The following SLC35E1 variants were observed in gnomAD, a reference collection of about 807,000 sequenced individuals.
SLC35E1 encodes the protein solute carrier family 35 member E1, also known as solute carrier family 35, member E1.
A neutral mutation model predicts 31.0 loss-of-function variants in SLC35E1; 12 were observed. That is an observed-to-expected ratio of 0.39 (90% CI 0.25 to 0.63). SLC35E1 has a LOEUF of 0.63. Among genes scored for constraint, SLC35E1 ranks in the 20% least tolerant of loss-of-function variants. The pLI is 0.52. For synonymous variants in SLC35E1, 257 were observed against 264.1 expected, an observed-to-expected ratio of 0.97 and a Z score of 0.26; for missense variants, 429 against 572.2, an observed-to-expected ratio of 0.75 and a Z score of 2.55.
In SLC35E1 at chr19:16,549,944, A is replaced by G. The variant is rs2085836715; in HGVS notation, c.*3735T>C. 1 of 152,226 alleles carries G rather than the reference A, an allele frequency of 6.6e-6. No homozygotes were observed. The highest frequency in any genetic ancestry group is 6.5e-5 in the Admixed American group (1 of 15,276). 9.4% of individuals were successfully genotyped at this position (152,226 alleles called of 1,614,324 possible). A position where few individuals can be genotyped will look rare whatever the true frequency, so the allele number is the denominator to read the frequency against. ...AAGTCTTGAAAACAGGTGACAATTG[A>G]AAAACATTATAATATTTTCAGGTCT... On this transcript the variant is annotated 3_prime_UTR_variant, in exon 6 of 6. Transcript: ENST00000595753.
chr19:16,557,019 A>G lies in SLC35E1; in HGVS notation c.757-1622T>C. ...CACCAGGATGCCTTCATGTTGGGCC[A>G]GCCTGTTCTCCCAGGGGTCGCTCCC... is the stretch of plus-strand genomic sequence containing the variant. On this transcript the variant is annotated intron_variant, in intron 4 of 5. Transcript: ENST00000595753. The G allele has an allele frequency of 1.3e-5, 6 of 470,818 alleles. 1 individual carries two copies. Among genetic ancestry groups the G allele is most frequent in the South Asian group, 9.3e-5 (6 of 64,566 alleles). 29.2% of individuals were successfully genotyped at this position (470,818 alleles called of 1,614,324 possible).
intron 5 of SLC35E1, 125 bp from the exon 6 acceptor site, chr19:16,554,034 G>A (rs2085860393): frequency 4.0e-6 from 3 of 752,036 alleles, no homozygotes; most frequent in Non-Finnish European, 6.0e-6. Context: ...GGAGGTCGAG[G>A]CGGGAGGATC....
chr19:16,556,072 G>GGGTGT (rs1006005863), intron 4 of SLC35E1, among the ~76,000 whole-genome samples: 2 of 152,056 alleles, frequency 1.3e-5, no homozygotes, highest in African/African-American at 2.4e-5. Context: ...AAAATTGGTC[G>GGGTGT]GGTGTGGTGT....
Position 16,555,109 on chromosome 19 carries a change from G to A in SLC35E1, c.1002+43C>T. ...TTCCTTTTCTGACTTCCTGGGTGTT[G>A]GGGGGCCGGCTTCCTTCCCTGCCCA... On this transcript the variant is annotated intron_variant, in intron 5 of 5. Coordinates refer to ENST00000595753, the MANE Select transcript of SLC35E1 (RefSeq NM_024881.5). This position sits in a 1 kb window ranked among gnomAD's most constrained non-coding sequence, Gnocchi z 4.1. The A allele has an allele frequency of 6.2e-7, 1 of 1,610,368 alleles. No individual in the cohort carries two copies. The highest frequency in any genetic ancestry group is 2.2e-5 in the East Asian group (1 of 44,814).
At chr19:16,569,323 T>C (rs1383243974) in intron 2 of SLC35E1, among the ~76,000 whole-genome samples, 2 of 152,148 alleles carry the variant, frequency 1.3e-5, no homozygotes, top group African/African-American at 4.8e-5. Context: ...GTGCCCAGCC[T>C]CTCCACCCAC....
intron 3 of SLC35E1, 116 bp downstream of exon 3, chr19:16,567,916 A>AT: frequency 7.3e-7 from 1 of 1,374,808 alleles, no homozygotes; most frequent in South Asian, 1.5e-5. Flanking sequence ...GGCAATCAAG[A>AT]TTTTTCTGCT....
At chr19:16,571,364 A>G (rs1018977640) in intron 2 of SLC35E1, 148 bp downstream of exon 2, 32 of 745,198 alleles carry the variant, frequency 4.3e-5, no homozygotes, top group Non-Finnish European at 9.4e-6. Flanking sequence ...TTGAGTAGTA[A>G]AAGGCCACTG....
Position 16,571,576 on chromosome 19 carries a change from G to T in SLC35E1, c.428C>A (p.Ala143Asp). ...GAGGACCACCCAGATGGGCATGGTG[G>T]CCTTGACTGCAAAGAGAGGGATGGG... ...VPVSYAHTVK[A>D]TMPIWVVLLS... The change falls in exon 2 of 6, where the codon GCC becomes GAC. Residue 143 changes from alanine (A) to aspartate (D), a missense_variant. Ala to Asp is a moderately radical substitution (Grantham distance 126). Transcript: ENST00000595753. The T allele has an allele frequency of 6.2e-7, 1 of 1,613,846 alleles. No individual in the cohort carries two copies. The highest frequency in any genetic ancestry group is 8.5e-7 in the Non-Finnish European group (1 of 1,179,934).
At chr19:16,557,054 C>T (rs1039313650) in intron 4 of SLC35E1, 7 of 448,020 alleles carry the variant, frequency 1.6e-5, no homozygotes, top group African/African-American at 8.1e-5. Context: ...CTAAGGTGAT[C>T]GGTTAGGATT....
chr19:16,569,738 C>A (rs1272051371), intron 2 of SLC35E1, among the ~76,000 whole-genome samples: 2 of 152,158 alleles, frequency 1.3e-5, no homozygotes, highest in East Asian at 3.9e-4. Context: ...CCCGGCTACT[C>A]GGGAGGCTGA....
rs1443271283 is a variant in SLC35E1 at position 16,553,326 on chromosome 19, G to C, written c.*353C>G. ...TCACACAGGTCCTGAATGTTATCTG[G>C]AATGCAGACACAAGTGCTCTGAGCT... On this transcript the variant is annotated 3_prime_UTR_variant, in exon 6 of 6. Transcript: ENST00000595753. 1.8e-5 allele frequency: 3 copies of C among 166,416 alleles called. No homozygotes were observed. Among genetic ancestry groups the C allele is most frequent in the African/African-American group, 7.1e-5 (3 of 42,036 alleles). 10.3% of individuals were successfully genotyped at this position (166,416 alleles called of 1,614,324 possible).
At position 16,553,912 on chromosome 19, in the gene SLC35E1, G is replaced by A. The variant is rs1015325403; in HGVS notation, c.1003-3C>T. 14 of 1,587,696 alleles carry A rather than the reference G, an allele frequency of 8.8e-6. No homozygotes were observed. In the East Asian group the frequency reaches 2.5e-4, roughly 28 times the overall value. On this transcript the variant is annotated splice_polypyrimidine_tract_variant and splice_region_variant and intron_variant, in intron 5 of 5. Coordinates refer to ENST00000595753, the MANE Select transcript of SLC35E1 (RefSeq NM_024881.5). ...TGCTGGTTTGCATCGTACTTGGTCT[G>A]TGCCAGAAAGAGAGCAATGAGACAG...
rs1416256972 is a variant in SLC35E1 at position 16,555,813 on chromosome 19, T to C, written c.757-416A>G. 4.6e-6 allele frequency: 1 copy of C among 219,530 alleles called. No homozygotes were observed. The highest frequency in any genetic ancestry group is 1.2e-4 in the East Asian group (1 of 8,112). 13.6% of individuals were successfully genotyped at this position (219,530 alleles called of 1,614,324 possible). On this transcript the variant is annotated intron_variant, in intron 4 of 5. Transcript: ENST00000595753. This position sits in a 1 kb window ranked among gnomAD's most constrained non-coding sequence, Gnocchi z 4.1. ...TCTGAGCCTGCGAAGTACCTGGTAA[T>C]ACGAAAGCCACGGGTCTGCACCTAT... is the stretch of plus-strand genomic sequence containing the variant.
At chr19:16,566,682 G>A (rs2085934198) in intron 3 of SLC35E1, 25 bp from the exon 4 acceptor site, 4 of 1,606,224 alleles carry the variant, frequency 2.5e-6, no homozygotes, top group Middle Eastern at 2.3e-4. Flanking sequence ...CCTCTTTAGA[G>A]GGTGATTAAA....
intron 2 of SLC35E1, among the ~76,000 whole-genome samples, chr19:16,569,003 C>A (rs529209608): frequency 3.9e-5 from 6 of 152,144 alleles, no homozygotes; most frequent in Admixed American, 3.9e-4. Context: ...CCTGGACTTC[C>A]CCAGCAGAGA....
In SLC35E1 at chr19:16,555,230, G is replaced by A. The variant is rs758112226; in HGVS notation, c.924C>T (p.Ile308=). The A allele has an allele frequency of 1.2e-5, 19 of 1,614,094 alleles. 1 individual carries two copies. In the South Asian group the frequency reaches 2.0e-4, roughly 17 times the overall value. ...TGCTGGTGACTGGGTTGCGCAGCAT[G>A]ATCAGGGACACCGTGATGACCATGA... ...KRIMVITVSL[I]MLRNPVTSTN... is the part of the protein sequence containing the mutation. Residue 308 remains isoleucine (I), a synonymous_variant, in exon 5 of 6, where the codon ATC becomes ATT. Coordinates refer to ENST00000595753, the MANE Select transcript of SLC35E1 (RefSeq NM_024881.5). The surrounding 1 kb of genome is among the most constrained non-coding windows in gnomAD (Gnocchi z 4.1).
intron 3 of SLC35E1, among the ~76,000 whole-genome samples, chr19:16,567,325 C>A (rs918099272): frequency 1.3e-5 from 2 of 151,736 alleles, no homozygotes; most frequent in African/African-American, 4.8e-5. Context: ...TAGGCTTCAA[C>A]AAGTTTTAAA....
chr19:16,565,156 C>G (rs908036268), intron 4 of SLC35E1: 4 of 456,246 alleles, frequency 8.8e-6, no homozygotes, highest in Non-Finnish European at 1.8e-5. Context: ...AAAGATTCGA[C>G]GTGGAGTAAA....
intron 4 of SLC35E1, among the ~76,000 whole-genome samples, chr19:16,558,340 G>C (rs1226093572): frequency 1.3e-5 from 2 of 149,898 alleles, no homozygotes; most frequent in Non-Finnish European, 3.0e-5. Context: ...CACCACACCC[G>C]GCCTATTTTT....
Sources: gnomAD v4.1 joint callset for allele counts (sites outside exome capture counted in the v4.1 genomes callset) on GRCh38, gnomAD v4.1.1 for gene constraint, Gnocchi (gnomAD v3.1) non-coding constraint, MANE v1.5 for transcripts, NCBI Gene and HGNC (gene_info 2026-07-23, HGNC 2026-07-21) for gene names.